SLC28A1: variants seen among roughly 807,000 people sequenced by gnomAD.
The protein encoded by SLC28A1 is sodium/nucleoside cotransporter 1.
Under a neutral mutation model 74.8 loss-of-function variants are expected in SLC28A1, and 64 were observed. That is an observed-to-expected ratio of 0.86 (90% CI 0.70 to 1.05). The LOEUF (loss-of-function observed/expected upper bound fraction) is 1.05. Ranked by LOEUF, SLC28A1 falls within the 50% of genes least tolerant of loss-of-function variation. SLC28A1 has a pLI of 0.00. For missense variants in SLC28A1, 828 were observed against 822.8 expected (o/e 1.01, Z -0.08); for synonymous variants, 359 against 335.0 (o/e 1.07, Z -0.78).
chr15:84,921,208 T>C (rs2141915568), intron 11 of SLC28A1, 139 bp downstream of exon 11: 1 of 728,642 alleles, frequency 1.4e-6, no homozygotes, highest in South Asian at 1.5e-5. Context: ...ATTCTGCTGC[T>C]CCAGGGATAC....
chr15:84,900,286 C>T (rs1338816237), intron 6 of SLC28A1, among the ~76,000 whole-genome samples: 2 of 137,438 alleles, frequency 1.5e-5, no homozygotes, highest in African/African-American at 2.6e-5. Context: ...GCCGAGATCA[C>T]GCCACTGCAC....
chr15:84,895,204 TGGA>T, intron 6 of SLC28A1, 81 bp downstream of exon 6: 1 of 1,588,668 alleles, frequency 6.3e-7, no homozygotes. Flanking sequence ...TGGCCAGGGC[TGGA>T]GGAGGAGGAA....
Position 84,918,618 on chromosome 15 carries a change from G to C in SLC28A1, c.876+14G>C. Reference sequence around the variant, plus strand: ...GTGATCCTGAAGGTAAGTTCCCAGTGCCCATGGCCAGGGCTCTCCCAGAGT... The same window carrying C: ...GTGATCCTGAAGGTAAGTTCCCAGTCCCCATGGCCAGGGCTCTCCCAGAGT... On this transcript the variant is annotated intron_variant, in intron 10 of 18. Coordinates refer to ENST00000394573, the MANE Select transcript of SLC28A1 (RefSeq NM_004213.5). 6.3e-7 allele frequency: 1 copy of C among 1,593,574 alleles called. No homozygotes were observed. Among genetic ancestry groups the C allele is most frequent in the Non-Finnish European group, 8.6e-7 (1 of 1,161,516 alleles).
At chr15:84,916,224 C>G (rs1397222454) in intron 9 of SLC28A1, among the ~76,000 whole-genome samples, 1 of 145,900 alleles carries the variant, frequency 6.9e-6, no homozygotes, top group Non-Finnish European at 1.5e-5. Context: ...CTCGGCCTCC[C>G]AAAGTGCTGG....
intron 9 of SLC28A1, among the ~76,000 whole-genome samples, chr15:84,910,063 G>A (rs1178243965): frequency 3.3e-5 from 5 of 152,190 alleles, no homozygotes; most frequent in African/African-American, 7.2e-5. Context: ...AGCTCCCCTT[G>A]GAGCCTTAGC....
At chr15:84,893,847 C>T (rs1011054140) in intron 5 of SLC28A1, among the ~76,000 whole-genome samples, 18 of 152,188 alleles carry the variant, frequency 1.2e-4, no homozygotes, top group Non-Finnish European at 1.8e-4. Context: ...CCCTGGGACT[C>T]GACCAGGAAG....
intron 8 of SLC28A1, among the ~76,000 whole-genome samples, chr15:84,908,427 G>A (rs929440235): frequency 5.9e-5 from 9 of 151,800 alleles, no homozygotes; most frequent in Admixed American, 2.0e-4. Context: ...CAGGTGATCC[G>A]CCTGCCTCAG....
chr15:84,932,786 G>A (rs762899922), intron 12 of SLC28A1, among the ~76,000 whole-genome samples: 3 of 152,160 alleles, frequency 2.0e-5, no homozygotes, highest in Admixed American at 2.0e-4. Flanking sequence ...AAGGAAGAAA[G>A]AACCTTGAAC....
the SLC28A1 span, among the ~76,000 whole-genome samples, chr15:84,960,290 C>G: frequency 8.9e-6 from 1 of 111,862 alleles, no homozygotes; most frequent in Non-Finnish European, 1.7e-5. Context: ...AGGTCTTGCT[C>G]TGTCGCCCAG....
intron 5 of SLC28A1, 80 bp downstream of exon 5, chr15:84,890,614 T>C (rs1965264893): frequency 8.9e-7 from 1 of 1,127,066 alleles, no homozygotes; most frequent in Non-Finnish European, 1.3e-6. Context: ...GGTCATTCAC[T>C]CACCCAGTCA....
chr15:84,919,714 G>A (rs893057250), intron 10 of SLC28A1, among the ~76,000 whole-genome samples: 20 of 152,098 alleles, frequency 1.3e-4, no homozygotes, highest in Admixed American at 6.6e-5. Context: ...CATTCATGAG[G>A]GCAGAGCCTT....
chr15:84,964,330 G>A, the SLC28A1 span, among the ~76,000 whole-genome samples: 3 of 152,004 alleles, frequency 2.0e-5, no homozygotes, highest in Admixed American at 6.6e-5. Flanking sequence ...CAGGGAAGGA[G>A]GCAAGGAAGA....
At chr15:84,968,461 G>C in the SLC28A1 span, among the ~76,000 whole-genome samples, 1 of 152,250 alleles carries the variant, frequency 6.6e-6, no homozygotes, top group Non-Finnish European at 1.5e-5. Flanking sequence ...TCTCCTTAGA[G>C]CTGCTTAAGT....
At chr15:84,903,435 G>A (rs12913378) in intron 6 of SLC28A1, among the ~76,000 whole-genome samples, 147,136 of 152,338 alleles carry the variant, frequency 0.97, 71,076 homozygotes, top group Admixed American at 0.98. Context: ...CTCAATGAAC[G>A]TTAACTGTCA....
intron 15 of SLC28A1, among the ~76,000 whole-genome samples, chr15:84,942,336 A>T (rs1972808651): frequency 2.6e-5 from 4 of 152,212 alleles, no homozygotes. Context: ...GTCATTACTG[A>T]CTATAGTCAC....
chr15:84,973,820 C>T, the SLC28A1 span, among the ~76,000 whole-genome samples: 2 of 152,182 alleles, frequency 1.3e-5, no homozygotes, highest in African/African-American at 4.8e-5. Context: ...ATAAAGAGTA[C>T]GCATTTTAAG....
At chr15:84,973,337 G>A in the SLC28A1 span, among the ~76,000 whole-genome samples, 1 of 152,258 alleles carries the variant, frequency 6.6e-6, no homozygotes, top group Non-Finnish European at 1.5e-5. Flanking sequence ...TTAAGCAAAA[G>A]CAGAAATTAA....
rs150926643 is a variant in SLC28A1, at chr15:84,923,988, G to A, written c.961G>A (p.Glu321Lys). ...VAGNIFVSQT[E>K]APLLIRPYLA... is the part of the protein sequence containing the mutation. ...CTGACATCTTTCCTGTTTGCAGACC[G>A]AGGCTCCATTACTGATCCGGCCCTA... The change falls in exon 12 of 19, where the codon GAG becomes AAG. Residue 321 changes from glutamate to lysine, a missense_variant. Transcript: ENST00000394573. The A allele has an allele frequency of 5.8e-5, 94 of 1,613,910 alleles. No individual in the cohort carries two copies. Among genetic ancestry groups the A allele is most frequent in the Non-Finnish European group, 7.6e-5 (90 of 1,180,026 alleles).
intron 6 of SLC28A1, chr15:84,895,589 C>T: frequency 6.6e-7 from 1 of 1,515,670 alleles, no homozygotes; most frequent in Non-Finnish European, 8.9e-7. Context: ...TGCTGCTTTT[C>T]AAACTGGATT....
Sources: allele counts gnomAD v4.1 joint callset (sites outside exome capture counted in the v4.1 genomes callset), GRCh38; gene constraint gnomAD v4.1.1; transcripts MANE v1.5; gene names NCBI Gene and HGNC (gene_info 2026-07-23, HGNC 2026-07-21).